DQX1: variants seen among roughly 807,000 people sequenced by gnomAD.
The protein encoded by DQX1 is DEAQ-box RNA dependent ATPase 1, also known as ATP-dependent RNA helicase homolog DQX1.
A neutral mutation model predicts 81.3 loss-of-function variants in DQX1; 66 were observed. The ratio of observed to expected loss-of-function variants is 0.81; its 90% CI spans 0.67 to 1.00. The LOEUF (loss-of-function observed/expected upper bound fraction) is 1.00, where lower values mean the gene tolerates loss of function less well. Ranked by LOEUF, DQX1 falls within the 50% of genes least tolerant of loss-of-function variation. The probability of loss-of-function intolerance (pLI) is 0.00; values close to 1 mark genes in which losing one functional copy is unlikely to be tolerated. For missense variants in DQX1, 798 were observed against 867.9 expected (o/e 0.92, Z 1.01); for synonymous variants, 290 against 350.0 (o/e 0.83, Z 1.91).
Position 74,522,937 on chromosome 2 carries a change from C to T in DQX1, c.1222G>A (p.Glu408Lys), listed in dbSNP as rs1472485639. 3 of 1,614,172 alleles carry T rather than the reference C, an allele frequency of 1.9e-6. No homozygotes were observed. The Admixed American group carries it at 5.0e-5, about 27-fold the overall frequency. ...AGTAACACCAGGGAGCTCAGATTCT[C>T]CTCACACACCCTGGGTTGTGGCAAT... ...PPLPQPRVCE[E>K]NLSSLVLLLK... The change falls in exon 7 of 12, where the codon GAG becomes AAG. Residue 408 changes from glutamate (E) to lysine (K), a missense_variant. Physicochemically the swap from Glu to Lys is moderately conservative, Grantham distance 56. Transcript: ENST00000404568.
chr2:74,522,452 G>A (rs1442630417), intron 8 of DQX1, 128 bp downstream of exon 8: 5 of 1,150,132 alleles, frequency 4.3e-6, no homozygotes, highest in Non-Finnish European at 6.1e-6. Flanking sequence ...ACTAAGCCTG[G>A]TTCTTTAGGC....
chr2:74,520,979 G>C (rs544697985), intron 8 of DQX1, among the ~76,000 whole-genome samples: 1 of 152,244 alleles, frequency 6.6e-6, no homozygotes, highest in Admixed American at 6.5e-5. Flanking sequence ...GGCTGAAGAA[G>C]AGTTTTTAAG....
In DQX1 at chr2:74,523,390, C is replaced by A. The variant is rs1288500721; in HGVS notation, c.964G>T (p.Val322Phe). The A allele has an allele frequency of 1.9e-6, 3 of 1,614,052 alleles. No individual in the cohort carries two copies. Among genetic ancestry groups the A allele is most frequent in the Admixed American group, 3.3e-5 (2 of 59,992 alleles). The change falls in exon 5 of 12, where the codon GTC becomes TTC. Residue 322 changes from valine to phenylalanine, a missense_variant. Val to Phe is a conservative substitution (Grantham distance 50, BLOSUM62 -1). Coordinates refer to ENST00000404568, the MANE Select transcript of DQX1 (RefSeq NM_133637.3). Reference sequence around the variant, plus strand: ...GAGAAGTCAGCCAGCCAGTGAGTGACCACAACCTTTCGGGCATCCATGTCC... The same window carrying A: ...GAGAAGTCAGCCAGCCAGTGAGTGAACACAACCTTTCGGGCATCCATGTCC... ...YEDMDARKVV[V>F]THWLADFSFS...
At chr2:74,524,346 C>T in intron 3 of DQX1, 39 bp from the exon 4 acceptor site, 1 of 1,573,652 alleles carries the variant, frequency 6.4e-7, no homozygotes, top group Non-Finnish European at 8.6e-7. Context: ...TCAGTGTGGA[C>T]ACTGACCAGC....
intron 8 of DQX1, among the ~76,000 whole-genome samples, chr2:74,521,001 A>G (rs573917681): frequency 2.0e-5 from 3 of 152,262 alleles, no homozygotes; most frequent in South Asian, 2.1e-4. Flanking sequence ...AAGAGAGTCC[A>G]TGTGTCTGAA....
At position 74,519,138 on chromosome 2, in the gene DQX1, G is replaced by A. The variant is rs767500066; in HGVS notation, c.1899C>T (p.Arg633=). Reference sequence around the variant, plus strand: ...ATGGTGGGGGTCTGGCAGGAGCTCTGCGGCTTCGGTAGCAGCAGTATGAGG... The same window carrying A: ...ATGGTGGGGGTCTGGCAGGAGCTCTACGGCTTCGGTAGCAGCAGTATGAGG... ...QLSSYCCYRS[R]RAPARPPPWV... is the part of the protein sequence containing the mutation. Residue 633 remains arginine, a synonymous_variant, in exon 11 of 12, where the codon CGC becomes CGT. Coordinates refer to ENST00000404568, the MANE Select transcript of DQX1 (RefSeq NM_133637.3). 6.2e-7 allele frequency: 1 copy of A among 1,613,630 alleles called. No individual in the cohort carries two copies. The highest frequency in any genetic ancestry group is 2.2e-5 in the East Asian group (1 of 44,874).
chr2:74,523,395 A>G lies in DQX1; in HGVS notation c.959T>C (p.Val320Ala). 2 of 1,614,044 alleles carry G rather than the reference A, an allele frequency of 1.2e-6. No homozygotes were observed. Residue 320 changes from valine to alanine, a missense_variant, in exon 5 of 12, where the codon GTT becomes GCT. Coordinates refer to ENST00000404568, the MANE Select transcript of DQX1 (RefSeq NM_133637.3). The part of the protein sequence containing the change: ...AVYEDMDARK[V>A]VVTHWLADFS... Reference sequence around the variant, plus strand: ...GTCAGCCAGCCAGTGAGTGACCACAACCTTTCGGGCATCCATGTCCTCATA... The same window carrying G: ...GTCAGCCAGCCAGTGAGTGACCACAGCCTTTCGGGCATCCATGTCCTCATA...
At chr2:74,524,472 G>A (rs747657899) in intron 3 of DQX1, among the ~76,000 whole-genome samples, 165 bp from the exon 4 acceptor site, 1 of 152,158 alleles carries the variant, frequency 6.6e-6, no homozygotes, top group Non-Finnish European at 1.5e-5. Context: ...CCACAACCCC[G>A]CTGAGAACAC....
intron 8 of DQX1, among the ~76,000 whole-genome samples, chr2:74,521,812 C>T (rs1052602906): frequency 1.4e-4 from 20 of 147,978 alleles, no homozygotes; most frequent in African/African-American, 4.6e-4. Context: ...TCTCCCCATG[C>T]GTCTCTCCCT....
At chr2:74,522,500 C>T (rs1675054092) in intron 8 of DQX1, 80 bp downstream of exon 8, 1 of 1,522,492 alleles carries the variant, frequency 6.6e-7, no homozygotes. Flanking sequence ...GAGGAAAGGG[C>T]TAGCCTCAGG....
chr2:74,521,218 A>T (rs1468747625), intron 8 of DQX1, among the ~76,000 whole-genome samples: 16 of 152,252 alleles, frequency 1.1e-4, no homozygotes, highest in Admixed American at 1.0e-3. Flanking sequence ...GTAGCAGAGC[A>T]GCAGAGATAA....
rs146025399 is a variant in DQX1 at position 74,522,260 on chromosome 2, G to A, written c.1495+320C>T. Among the ~76,000 whole-genome samples the A allele has an allele frequency of 2.0e-3, 305 of 152,362 alleles. 1 individual carries two copies. The highest frequency in any genetic ancestry group is 7.1e-3 in the African/African-American group (295 of 41,590). On this transcript the variant is annotated intron_variant, in intron 8 of 11. Coordinates refer to ENST00000404568, the MANE Select transcript of DQX1 (RefSeq NM_133637.3). ...ATGGTAGACCTGAAGCTGGAGTGCA[G>A]TGGGTGAGCAATACACCAGTTAGAA...
At chr2:74,523,801 T>G in intron 4 of DQX1, 122 bp downstream of exon 4, 1 of 1,378,462 alleles carries the variant, frequency 7.3e-7, no homozygotes, top group Non-Finnish European at 9.6e-7. Context: ...ATACTGCAAC[T>G]CTACTGTTCC....
At chr2:74,520,662 G>A (rs143977134) in intron 8 of DQX1, among the ~76,000 whole-genome samples, 1 of 151,124 alleles carries the variant, frequency 6.6e-6, no homozygotes, top group Non-Finnish European at 1.5e-5. Context: ...GAGTTGTGGG[G>A]TTTTTTTTGT....
rs1256791888 is a variant in DQX1, at chr2:74,526,173, G to C, written c.-57C>G. On this transcript the variant is annotated 5_prime_UTR_variant, in exon 1 of 12. Transcript: ENST00000404568. ...CTAGGACGTGTCAGGACGGCAGTCA[G>C]CTCCAGACCCACGTAGTCACCACCA... 2 of 175,758 alleles carry C rather than the reference G, an allele frequency of 1.1e-5. No individual in the cohort carries two copies. The highest frequency in any genetic ancestry group is 3.3e-4 in the East Asian group (2 of 6,030). The allele number at this position is 175,758 out of a possible 1,614,324, so 10.9% of individuals were successfully genotyped here.
At position 74,525,734 on chromosome 2, in the gene DQX1, G is replaced by C; in HGVS notation, c.-5C>G. ...CCTGAGAGGCTGAGAGGTCATGGTGGCTCTCTGGCAGGACCTGCAGAAGGC... is the reference window on the plus strand; with the variant it reads ...CCTGAGAGGCTGAGAGGTCATGGTGCCTCTCTGGCAGGACCTGCAGAAGGC... On this transcript the variant is annotated 5_prime_UTR_variant, in exon 2 of 12. Coordinates refer to ENST00000404568, the MANE Select transcript of DQX1 (RefSeq NM_133637.3). The surrounding 1 kb of genome is among the most constrained non-coding windows in gnomAD (Gnocchi z 4.1). The C allele has an allele frequency of 6.5e-7, 1 of 1,550,044 alleles. No individual in the cohort carries two copies. Among genetic ancestry groups the C allele is most frequent in the Non-Finnish European group, 8.7e-7 (1 of 1,145,936 alleles).
chr2:74,521,767 C>A (rs1675033122), intron 8 of DQX1, among the ~76,000 whole-genome samples: 1 of 135,276 alleles, frequency 7.4e-6, no homozygotes, highest in Admixed American at 6.9e-5. Context: ...TTCCCTCTCC[C>A]TCTCTCCCCC....
In DQX1 at chr2:74,520,588, T is replaced by C. The variant is rs373490131; in HGVS notation, c.1496-554A>G. Among the ~76,000 whole-genome samples, 5 of 152,100 alleles carry C rather than the reference T, an allele frequency of 3.3e-5. No individual in the cohort carries two copies. The South Asian group carries it at 8.3e-4, about 25-fold the overall frequency. ...GCTGGAGAGGTAGGTATAGGTAAGG[T>C]CATGAGAGGCTGGAGTACTGAGGAA... On this transcript the variant is annotated intron_variant, in intron 8 of 11. Transcript: ENST00000404568.
Position 74,524,104 on chromosome 2 carries a change from A to G in DQX1, c.635T>C (p.Leu212Pro), listed in dbSNP as rs1243205821. Residue 212 changes from leucine to proline, a missense_variant, in exon 4 of 12, where the codon CTC (leucine) becomes CCC (proline). By Grantham distance (98) the Leu-to-Pro change is moderately conservative. Transcript: ENST00000404568. ...AGGAGGATTGCCCCAGAAAGCTCGG[A>G]GCTTAGGTTCAAGGGCTGGGTCAGT... ...VVTDPALEPK[L>P]RAFWGNPPIV... The G allele has an allele frequency of 6.2e-7, 1 of 1,614,090 alleles. No individual in the cohort carries two copies. The highest frequency in any genetic ancestry group is 8.5e-7 in the Non-Finnish European group (1 of 1,180,014).
Sources: allele counts gnomAD v4.1 joint callset (sites outside exome capture counted in the v4.1 genomes callset), GRCh38; gene constraint gnomAD v4.1.1; non-coding constraint Gnocchi (gnomAD v3.1); transcripts MANE v1.5; gene names NCBI Gene and HGNC (gene_info 2026-07-23, HGNC 2026-07-21).